Variants in RBM6 observed in about 807,000 individuals in gnomAD.
RBM6 encodes the protein RNA-binding protein 6.
In RBM6, 23 loss-of-function variants were observed where a neutral mutation model predicts 140.4. The observed-to-expected ratio is 0.16, with a 90% confidence interval of 0.12 to 0.23. The LOEUF (loss-of-function observed/expected upper bound fraction) is 0.23, where lower values mean the gene tolerates loss of function less well. Among genes scored for constraint, RBM6 ranks in the 10% least tolerant of loss-of-function variants. The pLI is 1.00. For synonymous variants in RBM6, 439 were observed against 475.6 expected, an observed-to-expected ratio of 0.92 and a Z score of 1.00; for missense variants, 1,139 against 1,386.7, an observed-to-expected ratio of 0.82 and a Z score of 2.84.
intron 6 of RBM6, among the ~76,000 whole-genome samples, chr3:50,042,564 T>C (rs940063525): frequency 1.3e-5 from 2 of 151,900 alleles, no homozygotes; most frequent in African/African-American, 4.8e-5. Flanking sequence ...GAGACCCCCA[T>C]CTCTACAAAA....
At chr3:49,973,760 A>G (rs1283211397) in intron 4 of RBM6, among the ~76,000 whole-genome samples, 1 of 149,872 alleles carries the variant, frequency 6.7e-6, no homozygotes, top group Non-Finnish European at 1.5e-5. Flanking sequence ...TGATTTTTGT[A>G]TTTTTAGTAG....
chr3:49,964,801 T>TTAGACAA (rs968015525), intron 2 of RBM6, among the ~76,000 whole-genome samples: 106 of 152,344 alleles, frequency 7.0e-4, no homozygotes, highest in African/African-American at 2.5e-3. Flanking sequence ...AAATGTTAGG[T>TTAGACAA]TAATTTAGCT....
intron 4 of RBM6, 73 bp from the exon 5 acceptor site, chr3:49,975,250 C>T: frequency 4.7e-6 from 6 of 1,285,126 alleles, no homozygotes; most frequent in Non-Finnish European, 6.8e-6. Flanking sequence ...ATGATAAAAA[C>T]TGTTAGGGAA....
chr3:49,986,699 TG>T (rs2085575843), intron 5 of RBM6, among the ~76,000 whole-genome samples: 1 of 152,046 alleles, frequency 6.6e-6, no homozygotes, highest in Non-Finnish European at 1.5e-5. Flanking sequence ...CCATTCTTTT[TG>T]TCTCTTTCTC....
At position 49,962,585 on chromosome 3, in the gene RBM6, T is replaced by TA; in HGVS notation, c.-55dup. On this transcript the variant is annotated 5_prime_UTR_variant, in exon 2 of 21. Coordinates refer to ENST00000266022, the MANE Select transcript of RBM6 (RefSeq NM_005777.3). ...GGTTTATTTTGTACAGGTACTGCTA[T>TA]AACCAGAATTTGGTAGAAAAAGGAT... 1 of 1,498,328 alleles carries TA rather than the reference T, an allele frequency of 6.7e-7. No individual in the cohort carries two copies. The highest frequency in any genetic ancestry group is 9.1e-7 in the Non-Finnish European group (1 of 1,097,480). 92.8% of individuals were successfully genotyped at this position (1,498,328 alleles called of 1,614,324 possible).
chr3:50,011,132 T>C (rs1227334802), intron 6 of RBM6, among the ~76,000 whole-genome samples: 2 of 151,552 alleles, frequency 1.3e-5, no homozygotes, highest in Non-Finnish European at 2.9e-5. Flanking sequence ...GAGGCTGAGA[T>C]AGGAGGATCA....
In RBM6 at chr3:49,984,326, A is replaced by G. The variant is rs13079814; in HGVS notation, c.1483+8934A>G. Among the ~76,000 whole-genome samples the G allele has an allele frequency of 1.1e-3, 167 of 152,144 alleles. 2 individuals carry two copies. Among genetic ancestry groups the G allele is most frequent in the Admixed American group, 7.9e-3 (121 of 15,252 alleles). The stretch of plus-strand genomic sequence containing the variant: ...TCAAAAAAATAAAATGGTGAATGTA[A>G]AATAAAATGGTAGCTCACGCCTATA... On this transcript the variant is annotated intron_variant, in intron 5 of 20. Transcript: ENST00000266022.
chr3:49,981,951 C>G (rs566423928), intron 5 of RBM6, among the ~76,000 whole-genome samples: 1 of 152,120 alleles, frequency 6.6e-6, no homozygotes, highest in Non-Finnish European at 1.5e-5. Context: ...CCTAATAAGG[C>G]TCAAACATAG....
chr3:50,000,873 T>C (rs894379273), intron 6 of RBM6, among the ~76,000 whole-genome samples: 20 of 152,210 alleles, frequency 1.3e-4, no homozygotes, highest in Non-Finnish European at 2.5e-4. Context: ...TCTCCTCTTA[T>C]GGGTATGGAG....
At chr3:50,070,717 C>T (rs1265261536) in intron 19 of RBM6, among the ~76,000 whole-genome samples, 165 bp downstream of exon 19, 2 of 152,328 alleles carry the variant, frequency 1.3e-5, no homozygotes, top group East Asian at 1.9e-4. Context: ...TACTATCTGT[C>T]TTTATACGGG....
rs2084552265 is a variant in RBM6 at position 49,967,238 on chromosome 3, C to T, written c.45-232C>T. 7.7e-7 allele frequency: 1 copy of T among 1,294,058 alleles called. No homozygotes were observed. Among genetic ancestry groups the T allele is most frequent in the Non-Finnish European group, 9.8e-7 (1 of 1,021,250 alleles). 80.2% of individuals were successfully genotyped at this position (1,294,058 alleles called of 1,614,324 possible). On this transcript the variant is annotated intron_variant, in intron 2 of 20. Coordinates refer to ENST00000266022, the MANE Select transcript of RBM6 (RefSeq NM_005777.3). The surrounding 1 kb of genome is among the most constrained non-coding windows in gnomAD (Gnocchi z 4.0). ...TTTTCTGCAGCAGTCATGTTGAAAA[C>T]CTTGTGTTGACTTTCCTCGTGTTCT...
intron 6 of RBM6, among the ~76,000 whole-genome samples, chr3:50,041,030 T>C (rs997850982): frequency 1.3e-5 from 2 of 152,220 alleles, no homozygotes; most frequent in South Asian, 2.1e-4. Flanking sequence ...GTCAGCCGTT[T>C]TGCTTCAGAG....
At chr3:49,961,587 T>G (rs1017924488) in intron 1 of RBM6, among the ~76,000 whole-genome samples, 5 of 150,124 alleles carry the variant, frequency 3.3e-5, no homozygotes, top group Non-Finnish European at 7.4e-5. Flanking sequence ...GATCACAATG[T>G]TAGGAGTTCG....
chr3:50,061,386 T>G, intron 13 of RBM6, 76 bp from the exon 14 acceptor site: 1 of 1,579,460 alleles, frequency 6.3e-7, no homozygotes, highest in Non-Finnish European at 8.6e-7. Context: ...ACCCTAATTC[T>G]TGGGTTCTTG....
At chr3:50,039,373 G>A (rs2088734372) in intron 6 of RBM6, among the ~76,000 whole-genome samples, 1 of 152,030 alleles carries the variant, frequency 6.6e-6, no homozygotes, top group Non-Finnish European at 1.5e-5. Context: ...CCGAGTAGCT[G>A]GGATTAGAAG....
intron 5 of RBM6, among the ~76,000 whole-genome samples, chr3:49,980,382 A>G (rs547257413): frequency 1.3e-5 from 2 of 152,258 alleles, no homozygotes; most frequent in Admixed American, 6.5e-5. Context: ...GCTTTCTCTC[A>G]TGGTTTCGAA....
intron 1 of RBM6, among the ~76,000 whole-genome samples, chr3:49,947,311 T>C (rs2083540095): frequency 6.9e-6 from 1 of 145,634 alleles, no homozygotes; most frequent in African/African-American, 2.5e-5. Flanking sequence ...ACACCTGTAT[T>C]CCCAGCTGCT....
At chr3:50,014,125 T>C (rs1431323927) in intron 6 of RBM6, among the ~76,000 whole-genome samples, 1 of 152,202 alleles carries the variant, frequency 6.6e-6, no homozygotes, top group African/African-American at 2.4e-5. Flanking sequence ...TGGATTGTCT[T>C]ATAATAATCA....
intron 5 of RBM6, among the ~76,000 whole-genome samples, chr3:49,994,669 G>GGGGTGTGTGTGTGTGTGTGT (rs148704782): frequency 6.7e-6 from 1 of 148,164 alleles, no homozygotes; most frequent in Non-Finnish European, 1.5e-5. Context: ...AAGGCTGTGG[G>GGGGTGTGTGTGTGTGTGTGT]GTGTGTGTGT....
Sources: allele counts gnomAD v4.1 joint callset (sites outside exome capture counted in the v4.1 genomes callset), GRCh38; gene constraint gnomAD v4.1.1; non-coding constraint Gnocchi (gnomAD v3.1); transcripts MANE v1.5; gene names NCBI Gene and HGNC (gene_info 2026-07-23, HGNC 2026-07-21).